The following NEK11 variants were observed in gnomAD, a reference collection of about 807,000 sequenced individuals.
The protein encoded by NEK11 is serine/threonine-protein kinase Nek11.
Under a neutral mutation model 80.7 loss-of-function variants are expected in NEK11, and 72 were observed. The ratio of observed to expected loss-of-function variants is 0.89; its 90% CI spans 0.74 to 1.08. The LOEUF is 1.08. Ranked by LOEUF, NEK11 falls within the 50% of genes least tolerant of loss-of-function variation. The pLI is 0.00. For synonymous variants in NEK11, 251 were observed against 260.7 expected, an observed-to-expected ratio of 0.96 and a Z score of 0.36; for missense variants, 764 against 763.6, an observed-to-expected ratio of 1.00 and a Z score of -0.01.
intron 11 of NEK11, 106 bp downstream of exon 11, chr3:131,162,633 C>A: frequency 8.1e-7 from 1 of 1,236,668 alleles, no homozygotes; most frequent in Non-Finnish European, 1.1e-6. Flanking sequence ...CCAATGCATA[C>A]GATTATGTAT....
At chr3:131,123,748 G>A (rs1228069323) in intron 5 of NEK11, among the ~76,000 whole-genome samples, 1 of 152,022 alleles carries the variant, frequency 6.6e-6, no homozygotes, top group Non-Finnish European at 1.5e-5. Flanking sequence ...ACAGCACCAA[G>A]TCTTCTGGTG....
chr3:131,040,269 G>C (rs2066275009), intron 3 of NEK11, among the ~76,000 whole-genome samples: 1 of 151,730 alleles, frequency 6.6e-6, no homozygotes, highest in Admixed American at 6.6e-5. Context: ...TATTAGTACA[G>C]TAGTGCTGTA....
rs546321919 is a variant in NEK11 at position 131,036,899 on chromosome 3, A to T, written c.170+7021A>T. On this transcript the variant is annotated intron_variant, in intron 3 of 17. Coordinates refer to ENST00000383366, the MANE Select transcript of NEK11 (RefSeq NM_024800.5). ...TGTGAATGGCACTAAAATGGAATAG[A>T]GTTCAGTGTATATACAATCTCACAT... is the stretch of plus-strand genomic sequence containing the variant. Among the ~76,000 whole-genome samples, 9 of 152,358 alleles carry T rather than the reference A, an allele frequency of 5.9e-5. No homozygotes were observed. The South Asian group carries it at 1.9e-3, about 32-fold the overall frequency.
chr3:131,289,496 G>A (rs1045681718), intron 17 of NEK11, among the ~76,000 whole-genome samples: 1 of 152,198 alleles, frequency 6.6e-6, no homozygotes, highest in African/African-American at 2.4e-5. Context: ...ATAGGTATGA[G>A]TGTTTGGAAG....
intron 6 of NEK11, chr3:131,133,473 A>C (rs2084936281): frequency 6.9e-6 from 2 of 289,510 alleles, no homozygotes. Flanking sequence ...TTCTCCCCTC[A>C]GGTGAAATTG....
At chr3:131,302,041 C>G (rs2096666745) in intron 17 of NEK11, among the ~76,000 whole-genome samples, 1 of 151,992 alleles carries the variant, frequency 6.6e-6, no homozygotes. Context: ...GACCTCATTA[C>G]TGGTCTGTTT....
chr3:131,070,268 G>A (rs551672240), intron 3 of NEK11, among the ~76,000 whole-genome samples: 4 of 152,194 alleles, frequency 2.6e-5, no homozygotes, highest in South Asian at 4.1e-4. Flanking sequence ...TGTTTTTAAG[G>A]CATATTACTA....
Position 131,069,900 on chromosome 3 carries a change from C to T in NEK11, c.171-10523C>T, listed in dbSNP as rs545984770. ...CTAGATGACGAGTTAGTGGGTGCAG[C>T]GCACCAGCACGGCACATGTATACAT... On this transcript the variant is annotated intron_variant, in intron 3 of 17. Transcript: ENST00000383366. Among the ~76,000 whole-genome samples, 9 of 151,238 alleles carry T rather than the reference C, an allele frequency of 6.0e-5. No individual in the cohort carries two copies. The South Asian group carries it at 1.3e-3, about 21-fold the overall frequency.
chr3:131,349,609 C>G lies in NEK11; in HGVS notation c.1771C>G (p.Leu591Val), dbSNP rs761114701. The change falls in exon 18 of 18, where the codon CTC (leucine) becomes GTC (valine). Residue 591 changes from leucine (L) to valine (V), a missense_variant. By Grantham distance (32) the Leu-to-Val change is conservative. Transcript: ENST00000383366. ...AGTATTTGAAGAGGTCTATAATTAC[C>G]TCAAGAGAGCAAGGCATCAGAATGC... is the stretch of plus-strand genomic sequence containing the variant. The part of the protein sequence containing the change: ...TEVFEEVYNY[L>V]KRARHQNASE... 1 of 1,613,962 alleles carries G rather than the reference C, an allele frequency of 6.2e-7. No homozygotes were observed. The highest frequency in any genetic ancestry group is 2.2e-5 in the East Asian group (1 of 44,888).
intron 16 of NEK11, among the ~76,000 whole-genome samples, chr3:131,268,470 G>A (rs2096109010): frequency 1.3e-5 from 2 of 152,176 alleles, no homozygotes; most frequent in Non-Finnish European, 2.9e-5. Context: ...TGTCCTTTTT[G>A]TTGATGTTGA....
intron 5 of NEK11, among the ~76,000 whole-genome samples, chr3:131,119,667 A>G (rs1399311148): frequency 6.6e-6 from 1 of 152,156 alleles, no homozygotes; most frequent in Non-Finnish European, 1.5e-5. Context: ...TATTGGGTGT[A>G]TATATATTTA....
At chr3:131,250,266 GA>G (rs1229669673) in intron 16 of NEK11, among the ~76,000 whole-genome samples, 1 of 151,752 alleles carries the variant, frequency 6.6e-6, no homozygotes, top group African/African-American at 2.4e-5. Context: ...AACAGAAAAT[GA>G]AAAAAATTAT....
chr3:131,035,589 A>G (rs1329014578), intron 3 of NEK11, among the ~76,000 whole-genome samples: 1 of 152,196 alleles, frequency 6.6e-6, no homozygotes, highest in African/African-American at 2.4e-5. Context: ...AGAGATGGTC[A>G]GTCTTGGAGA....
At chr3:131,333,885 T>C (rs1487309541) in intron 17 of NEK11, among the ~76,000 whole-genome samples, 1 of 152,148 alleles carries the variant, frequency 6.6e-6, no homozygotes, top group Admixed American at 6.5e-5. Context: ...CATTACATAA[T>C]GGTAAAGGGA....
intron 10 of NEK11, among the ~76,000 whole-genome samples, chr3:131,160,805 C>G (rs1004241005): frequency 6.6e-6 from 1 of 152,008 alleles, no homozygotes; most frequent in African/African-American, 2.4e-5. Context: ...GACTTTATAC[C>G]AACAATAATC....
At chr3:131,067,947 C>T (rs2072350996) in intron 3 of NEK11, among the ~76,000 whole-genome samples, 1 of 152,210 alleles carries the variant, frequency 6.6e-6, no homozygotes. Flanking sequence ...GGAATCTTCT[C>T]AGGAGGGCAT....
At chr3:131,098,345 A>C (rs2077791532) in intron 4 of NEK11, among the ~76,000 whole-genome samples, 1 of 152,222 alleles carries the variant, frequency 6.6e-6, no homozygotes, top group African/African-American at 2.4e-5. Context: ...CAGCAAAAGA[A>C]ACTGCCATCA....
intron 15 of NEK11, among the ~76,000 whole-genome samples, chr3:131,232,917 A>G (rs2095357434): frequency 6.6e-6 from 1 of 152,096 alleles, no homozygotes; most frequent in African/African-American, 2.4e-5. Flanking sequence ...AGAATTAGAA[A>G]TAAAAAGGAA....
chr3:131,343,485 G>A (rs1269640577), intron 17 of NEK11, among the ~76,000 whole-genome samples: 1 of 152,216 alleles, frequency 6.6e-6, no homozygotes, highest in African/African-American at 2.4e-5. Context: ...AACAGGTGAA[G>A]TCATTGGCTG....
Sources: gnomAD v4.1 joint callset for allele counts (sites outside exome capture counted in the v4.1 genomes callset) on GRCh38, gnomAD v4.1.1 for gene constraint, MANE v1.5 for transcripts, NCBI Gene and HGNC (gene_info 2026-07-23, HGNC 2026-07-21) for gene names.